Variants in VWC2 observed in about 807,000 individuals in gnomAD.
VWC2 encodes von Willebrand factor C domain containing 2, also known as brorin.
In VWC2, 14 loss-of-function variants were observed where a neutral mutation model predicts 29.8. The ratio of observed to expected loss-of-function variants is 0.47; its 90% CI spans 0.31 to 0.74. VWC2 has a LOEUF of 0.74. VWC2 is among the 30% of genes least tolerant of loss of function. The probability of loss-of-function intolerance (pLI) is 0.05; values close to 1 mark genes in which losing one functional copy is unlikely to be tolerated. For missense variants in VWC2, 457 were observed against 459.8 expected (o/e 0.99, Z 0.05); for synonymous variants, 213 against 199.0 (o/e 1.07, Z -0.59).
chr7:49,869,603 A>G (rs1168372275), intron 3 of VWC2, among the ~76,000 whole-genome samples: 1 of 152,216 alleles, frequency 6.6e-6, no homozygotes, highest in Non-Finnish European at 1.5e-5. Flanking sequence ...TGGCTAAGGA[A>G]TTAAAAAATA....
chr7:49,792,416 A>G (rs1788481787), intron 2 of VWC2, among the ~76,000 whole-genome samples: 1 of 152,216 alleles, frequency 6.6e-6, no homozygotes, highest in African/African-American at 2.4e-5. Context: ...ACGCTGCACT[A>G]GACACCTTTG....
chr7:49,903,209 A>G (rs1792873479), intron 3 of VWC2, among the ~76,000 whole-genome samples: 1 of 152,246 alleles, frequency 6.6e-6, no homozygotes, highest in African/African-American at 2.4e-5. Context: ...ATAAAACTAA[A>G]TACTCAGCTA....
intron 3 of VWC2, among the ~76,000 whole-genome samples, chr7:49,830,438 T>G (rs1789499119): frequency 2.6e-5 from 4 of 152,152 alleles, no homozygotes. Flanking sequence ...TCACCTTGTA[T>G]TATTATTGTT....
intron 3 of VWC2, among the ~76,000 whole-genome samples, chr7:49,859,834 C>T (rs1302423224): frequency 6.6e-6 from 1 of 151,786 alleles, no homozygotes; most frequent in Non-Finnish European, 1.5e-5. Flanking sequence ...ACTCACTCTG[C>T]TGAGGTTTTA....
At chr7:49,838,329 A>AT (rs1207775767) in intron 3 of VWC2, among the ~76,000 whole-genome samples, 1 of 152,042 alleles carries the variant, frequency 6.6e-6, no homozygotes, top group Non-Finnish European at 1.5e-5. Flanking sequence ...AGACTTATCT[A>AT]TTATCTCTTA....
At chr7:49,826,007 G>A (rs1209359984) in intron 3 of VWC2, among the ~76,000 whole-genome samples, 11 of 152,166 alleles carry the variant, frequency 7.2e-5, no homozygotes, top group Non-Finnish European at 1.6e-4. Flanking sequence ...CCTTGAGGCA[G>A]TAAGACTGTG....
intron 3 of VWC2, among the ~76,000 whole-genome samples, chr7:49,902,554 CA>C (rs34786165): frequency 0.037 from 3,972 of 106,598 alleles, 165 homozygotes; most frequent in African/African-American, 0.14. Context: ...TATCCGTAGC[CA>C]AAAAAAAAAA....
At chr7:49,818,128 A>C (rs1789187184) in intron 3 of VWC2, among the ~76,000 whole-genome samples, 1 of 152,206 alleles carries the variant, frequency 6.6e-6, no homozygotes, top group Non-Finnish European at 1.5e-5. Flanking sequence ...GAATGGCTAA[A>C]AATGGATGGC....
chr7:49,801,513 G>A (rs923645513), intron 2 of VWC2, among the ~76,000 whole-genome samples: 3 of 152,230 alleles, frequency 2.0e-5, no homozygotes, highest in African/African-American at 7.2e-5. Context: ...GAGTGACCAT[G>A]GAGGGTCCCG....
At chr7:49,875,979 C>G (rs1791398888) in intron 3 of VWC2, among the ~76,000 whole-genome samples, 1 of 152,120 alleles carries the variant, frequency 6.6e-6, no homozygotes, top group Non-Finnish European at 1.5e-5. Flanking sequence ...TTGCATTGTG[C>G]TGGCACACTT....
At chr7:49,804,586 G>T (rs887679694) in intron 3 of VWC2, among the ~76,000 whole-genome samples, 1 of 152,152 alleles carries the variant, frequency 6.6e-6, no homozygotes, top group African/African-American at 2.4e-5. Flanking sequence ...TTAGATAGCC[G>T]GGAATCCTAG....
chr7:49,802,962 A>ACG, intron 3 of VWC2, 122 bp downstream of exon 3: 16 of 1,265,720 alleles, frequency 1.3e-5, no homozygotes, highest in Non-Finnish European at 1.7e-5. Flanking sequence ...ATCAATACAC[A>ACG]TGCGTACACA....
At chr7:49,885,821 C>T (rs1318106628) in intron 3 of VWC2, among the ~76,000 whole-genome samples, 1 of 152,216 alleles carries the variant, frequency 6.6e-6, no homozygotes, top group African/African-American at 2.4e-5. Context: ...AGCCCTGGAG[C>T]TGAGAAGCAG....
In VWC2 at chr7:49,802,381, T is replaced by C. The variant is rs1288049503; in HGVS notation, c.697-330T>C. 2.0e-5 allele frequency among the ~76,000 whole-genome samples: 3 copies of C among 152,138 alleles called. No individual in the cohort carries two copies. In the East Asian group the frequency reaches 5.8e-4, roughly 29 times the overall value. Reference sequence around the variant, plus strand: ...CCCTGTAGGGCCAGGCTCACTCCTGTAATCCCAGCACTTTGGGAGGCTGAG... The same window carrying C: ...CCCTGTAGGGCCAGGCTCACTCCTGCAATCCCAGCACTTTGGGAGGCTGAG... On this transcript the variant is annotated intron_variant, in intron 2 of 3. Transcript: ENST00000340652.
At chr7:49,871,906 TAAACACACACAC>T (rs1791166472) in intron 3 of VWC2, among the ~76,000 whole-genome samples, 1 of 84,668 alleles carries the variant, frequency 1.2e-5, no homozygotes, top group Non-Finnish European at 2.3e-5. Context: ...TGTGTGTATA[TAAACACACACAC>T]ACACACACAC....
chr7:49,801,394 G>T (rs1052649917), intron 2 of VWC2, among the ~76,000 whole-genome samples: 7 of 152,102 alleles, frequency 4.6e-5, no homozygotes, highest in Admixed American at 6.5e-5. Flanking sequence ...TCCCAGTTTT[G>T]CTTCTGATGG....
chr7:49,817,919 A>C (rs531237106), intron 3 of VWC2, among the ~76,000 whole-genome samples: 1 of 152,392 alleles, frequency 6.6e-6, no homozygotes, highest in East Asian at 1.9e-4. Flanking sequence ...AATAAGAATT[A>C]AATGCCTCTG....
intron 2 of VWC2, among the ~76,000 whole-genome samples, chr7:49,781,848 G>A (rs527426321): frequency 6.6e-6 from 1 of 152,278 alleles, no homozygotes; most frequent in East Asian, 1.9e-4. Flanking sequence ...GTCCTTCAAA[G>A]GATGAAGTCT....
chr7:49,846,464 G>C (rs768410172), intron 3 of VWC2, among the ~76,000 whole-genome samples: 1 of 152,086 alleles, frequency 6.6e-6, no homozygotes, highest in African/African-American at 2.4e-5. Flanking sequence ...TCACTTCCAC[G>C]TCTTTGCATA....
Sources: gnomAD v4.1 joint callset for allele counts (sites outside exome capture counted in the v4.1 genomes callset) on GRCh38, gnomAD v4.1.1 for gene constraint, MANE v1.5 for transcripts, NCBI Gene and HGNC (gene_info 2026-07-23, HGNC 2026-07-21) for gene names.